SRCAP: variants seen among roughly 807,000 people sequenced by gnomAD.
The protein encoded by SRCAP is chromatin remodeling protein SRCAP.
SRCAP carries 46 observed loss-of-function variants against 263.1 expected under a neutral mutation model. That is an observed-to-expected ratio of 0.17 (90% CI 0.14 to 0.22). The LOEUF (loss-of-function observed/expected upper bound fraction) is 0.22, where lower values mean the gene tolerates loss of function less well. Among genes scored for constraint, SRCAP ranks in the 10% least tolerant of loss-of-function variants. SRCAP has a pLI of 1.00. For missense variants in SRCAP, 3,695 were observed against 4,181.9 expected (o/e 0.88, Z 3.21); for synonymous variants, 1,813 against 1,662.1 (o/e 1.09, Z -2.21).
rs199705678 is a variant in SRCAP, at chr16:30,738,143, A to G, written c.8103A>G (p.Pro2701=). The G allele has an allele frequency of 1.8e-4, 284 of 1,614,032 alleles. No homozygotes were observed. The highest frequency in any genetic ancestry group is 2.2e-4 in the Non-Finnish European group (265 of 1,180,036). Reference sequence around the variant, plus strand: ...TCGTTACAGCTGAGGTTGCAGCTCCATCCACCTCATCTTCAGCCACTTCCT... The same window carrying G: ...TCGTTACAGCTGAGGTTGCAGCTCCGTCCACCTCATCTTCAGCCACTTCCT... ...QELVTAEVAA[P]STSSSATSSP... The change falls in exon 34 of 34, where the codon CCA becomes CCG. Residue 2701 remains proline, a synonymous_variant. Transcript: ENST00000262518.
chr16:30,701,910 G>A (rs191054216), intron 3 of SRCAP, among the ~76,000 whole-genome samples: 75 of 151,080 alleles, frequency 5.0e-4, no homozygotes, highest in Non-Finnish European at 9.0e-4. Flanking sequence ...AGGATTACAG[G>A]TGTGAGCCCC....
rs370705768 is a variant in SRCAP, at chr16:30,709,611, G to A, written c.732G>A (p.Ser244=). The A allele has an allele frequency of 3.1e-6, 5 of 1,613,994 alleles. No individual in the cohort carries two copies. Among genetic ancestry groups the A allele is most frequent in the South Asian group, 1.1e-5 (1 of 91,084 alleles). ...TTGTGGGGCAAACTGAAAAGTACTC[G>A]GACCTTCTGTCTCAGAGCCTCAACC... The part of the protein sequence containing the change: ...DFIVGQTEKY[S]DLLSQSLNQP... Residue 244 remains serine, a synonymous_variant, in exon 7 of 34, where the codon TCG becomes TCA. Coordinates refer to ENST00000262518, the MANE Select transcript of SRCAP (RefSeq NM_006662.3).
At chr16:30,719,860 G>A (rs953459753) in intron 18 of SRCAP, among the ~76,000 whole-genome samples, 1 of 151,994 alleles carries the variant, frequency 6.6e-6, no homozygotes. Context: ...CTTAAATGGG[G>A]TATATTGCAT....
chr16:30,736,684 C>CT (rs904896452), intron 33 of SRCAP, 60 bp downstream of exon 33: 149 of 1,567,960 alleles, frequency 9.5e-5, no homozygotes, highest in Non-Finnish European at 1.1e-4. Flanking sequence ...TTTCTTTTCT[C>CT]TTTTTTTTGA....
rs913012152 is a variant in SRCAP at position 30,711,190 on chromosome 16, G to A, written c.1318+102G>A. 6.1e-5 allele frequency: 52 copies of A among 848,204 alleles called. No homozygotes were observed. The African/African-American group carries it at 8.2e-4, about 13-fold the overall frequency. 52.5% of individuals were successfully genotyped at this position (848,204 alleles called of 1,614,324 possible). On this transcript the variant is annotated intron_variant, in intron 10 of 33. Transcript: ENST00000262518. Reference sequence around the variant, plus strand: ...AAGGCACTTTGTATCCACCCTGGAGGAATTCCATGTCTAATGACTAAGACA... The same window carrying A: ...AAGGCACTTTGTATCCACCCTGGAGAAATTCCATGTCTAATGACTAAGACA...
At position 30,713,178 on chromosome 16, in the gene SRCAP, A is replaced by G. The variant is rs367655385; in HGVS notation, c.2131-30A>G. The G allele has an allele frequency of 5.6e-6, 9 of 1,608,674 alleles. No homozygotes were observed. The African/African-American group carries it at 8.0e-5, about 14-fold the overall frequency. ...TTTGCTCTCTTCTTTTCATCCCACT[A>G]TCTGCTACTTTCTGTCTTTGATCCC... On this transcript the variant is annotated intron_variant, in intron 14 of 33. Coordinates refer to ENST00000262518, the MANE Select transcript of SRCAP (RefSeq NM_006662.3).
chr16:30,739,605 C>T lies in SRCAP; in HGVS notation c.9565C>T (p.Arg3189Ter). The change falls in exon 34 of 34, where the codon CGA (arginine) becomes TGA (stop). Residue 3189 changes from arginine to a stop codon, truncating the protein, a stop_gained. Coordinates refer to ENST00000262518, the MANE Select transcript of SRCAP (RefSeq NM_006662.3). LOFTEE classifies it high-confidence loss of function. The stretch of plus-strand genomic sequence containing the variant: ...GGAGGAAGGGGATGGGACCCCACGC[C>T]GACGTCCTGGCCCCCGCCGGCTTGT... ...EEEEGDGTPR[R>*]RPGPRRLVGT... 2 of 1,594,658 alleles carry T rather than the reference C, an allele frequency of 1.3e-6. No homozygotes were observed. The highest frequency in any genetic ancestry group is 1.7e-6 in the Non-Finnish European group (2 of 1,171,508).
chr16:30,700,702 G>A lies in SRCAP; in HGVS notation c.-123G>A. On this transcript the variant is annotated 5_prime_UTR_variant, in exon 3 of 34. Transcript: ENST00000262518. ...GGAAGGCGGGTCCCGGTGGCCGGTG[G>A]CCCAGAATGAGGCCAGCTCCCAGCA... The A allele has an allele frequency of 2.1e-6, 2 of 941,386 alleles. No individual in the cohort carries two copies. Among genetic ancestry groups the A allele is most frequent in the East Asian group, 2.7e-5 (1 of 37,130 alleles). 58.3% of individuals were successfully genotyped at this position (941,386 alleles called of 1,614,324 possible).
chr16:30,722,470 C>A, intron 22 of SRCAP, 93 bp from the exon 23 acceptor site: 2 of 1,511,708 alleles, frequency 1.3e-6, no homozygotes, highest in Non-Finnish European at 9.1e-7. Context: ...GAATGTATTC[C>A]CTCTCTGTTC....
chr16:30,703,096 T>G (rs35969813), intron 3 of SRCAP, among the ~76,000 whole-genome samples: 2 of 151,490 alleles, frequency 1.3e-5, no homozygotes, highest in African/African-American at 4.9e-5. Context: ...GGGAGTTGTT[T>G]ATGTGCATGA....
In SRCAP at chr16:30,739,745, C is replaced by G. The variant is rs761359958; in HGVS notation, c.*12C>G. On this transcript the variant is annotated 3_prime_UTR_variant, in exon 34 of 34. Coordinates refer to ENST00000262518, the MANE Select transcript of SRCAP (RefSeq NM_006662.3). The stretch of plus-strand genomic sequence containing the variant: ...AGGCCAAGACGTGAGTGGGCTGCCC[C>G]TCCACCTAGGCTTTCCACCGTGGCC... 14 of 1,462,422 alleles carry G rather than the reference C, an allele frequency of 9.6e-6. No homozygotes were observed. The East Asian group carries it at 3.0e-4, about 31-fold the overall frequency. The allele number at this position is 1,462,422 out of a possible 1,614,324, so 90.6% of individuals were successfully genotyped here.
chr16:30,717,453 GT>G (rs1048761562), intron 18 of SRCAP, among the ~76,000 whole-genome samples: 5 of 146,098 alleles, frequency 3.4e-5, no homozygotes, highest in Admixed American at 6.9e-5. Flanking sequence ...GTTTTTGGTG[GT>G]TTTTTTTTTC....
Position 30,723,175 on chromosome 16 carries a change from A to C in SRCAP, c.4105A>C (p.Thr1369Pro). The C allele has an allele frequency of 6.2e-7, 1 of 1,613,286 alleles. No homozygotes were observed. The highest frequency in any genetic ancestry group is 8.5e-7 in the Non-Finnish European group (1 of 1,179,794). ...TGCTCGAGCCCCCATGCCCACACCC[A>C]CTCTGGTGAGGCCTCTTCTCAAGCT... ...GTARAPMPTP[T>P]LVRPLLKLVH... Residue 1369 changes from threonine (T) to proline (P), a missense_variant, in exon 24 of 34, where the codon ACT becomes CCT. Thr to Pro is a conservative substitution (Grantham distance 38, BLOSUM62 -1). Transcript: ENST00000262518.
Position 30,724,144 on chromosome 16 carries a change from G to C in SRCAP, c.4720G>C (p.Ala1574Pro). ...AGCTCCAGCTCAGGCTTCCCTTCTG[G>C]CTCCAGCATCTTCTGCATCTCAGGC... ...NPAPAQASLL[A>P]PASSASQALA... Residue 1574 changes from alanine (A) to proline (P), a missense_variant, in exon 25 of 34, where the codon GCT (alanine) becomes CCT (proline). Ala to Pro is a conservative substitution (Grantham distance 27). This residue lies in a region of SRCAP where 1,347 missense variants were observed against 1,304.4 expected (regional missense o/e 1.03). Coordinates refer to ENST00000262518, the MANE Select transcript of SRCAP (RefSeq NM_006662.3). The C allele has an allele frequency of 6.2e-7, 1 of 1,614,018 alleles. No homozygotes were observed. The highest frequency in any genetic ancestry group is 8.5e-7 in the Non-Finnish European group (1 of 1,180,014).
intron 4 of SRCAP, among the ~76,000 whole-genome samples, chr16:30,706,540 G>T (rs1252629462): frequency 6.6e-6 from 1 of 152,142 alleles, no homozygotes; most frequent in Non-Finnish European, 1.5e-5. Context: ...AAGACAATCA[G>T]TGTAGAAGCT....
rs758831693 is a variant in SRCAP, at chr16:30,723,065, G to A, written c.3995G>A (p.Arg1332Gln). Residue 1332 changes from arginine (R) to glutamine (Q), a missense_variant, in exon 24 of 34, where the codon CGG becomes CAG. Coordinates refer to ENST00000262518, the MANE Select transcript of SRCAP (RefSeq NM_006662.3). ...TPVPPLAPAP[R>Q]PPSSGLPAVL... ...GTTCCTCCATTGGCCCCAGCACCCC[G>A]GCCTCCGAGCTCTGGGCTTCCAGCT... The A allele has an allele frequency of 3.6e-5, 58 of 1,613,952 alleles. No individual in the cohort carries two copies. Among genetic ancestry groups the A allele is most frequent in the Non-Finnish European group, 4.7e-5 (56 of 1,179,986 alleles).
Position 30,738,891 on chromosome 16 carries a change from CCTGGG to C in SRCAP, c.8852_8856del (p.Pro2951HisfsTer76). 6.2e-7 allele frequency: 1 copy of C among 1,614,130 alleles called. No individual in the cohort carries two copies. The highest frequency in any genetic ancestry group is 8.5e-7 in the Non-Finnish European group (1 of 1,180,018). On this transcript the variant is annotated frameshift_variant, in exon 34 of 34. Coordinates refer to ENST00000262518, the MANE Select transcript of SRCAP (RefSeq NM_006662.3). Reference sequence around the variant, plus strand: ...CCCTAAAGCACGAGATTTGCCCATCCCTGGGACCATTTCCTCTGCAGGGGATGGCA... The same window carrying C: ...CCCTAAAGCACGAGATTTGCCCATCCACCATTTCCTCTGCAGGGGATGGCA...
rs745558501 is a variant in SRCAP, at chr16:30,738,331, T to TGCG, written c.8303_8305dup (p.Arg2768dup). 1.2e-5 allele frequency: 19 copies of TGCG among 1,580,604 alleles called. No homozygotes were observed. The highest frequency in any genetic ancestry group is 7.2e-5 in the Admixed American group (4 of 55,806). Reference sequence around the variant, plus strand: ...ACTGTGGTAGAGGAAAAGGAACTGGTGCGGCGGCGGCGGCAGCAGCGGGGA... The same window carrying TGCG: ...ACTGTGGTAGAGGAAAAGGAACTGGTGCGGCGGCGGCGGCGGCAGCAGCGGGGA... On this transcript the variant is annotated inframe_insertion, in exon 34 of 34. Transcript: ENST00000262518.
Position 30,729,463 on chromosome 16 carries a change from C to T in SRCAP, c.6018C>T (p.Phe2006=), listed in dbSNP as rs2053093220. Residue 2006 remains phenylalanine, a synonymous_variant, in exon 27 of 34, where the codon TTC becomes TTT. Transcript: ENST00000262518. Reference sequence around the variant, plus strand: ...GGCTGGCCCCACGTCAGGCAGCCTTCCAGGAGCAATTGGCCTCTGAGCTCT... The same window carrying T: ...GGCTGGCCCCACGTCAGGCAGCCTTTCAGGAGCAATTGGCCTCTGAGCTCT... ...PPWLAPRQAA[F]QEQLASELWP... is the part of the protein sequence containing the mutation. 1.2e-6 allele frequency: 2 copies of T among 1,614,208 alleles called. No individual in the cohort carries two copies. The highest frequency in any genetic ancestry group is 1.7e-6 in the Non-Finnish European group (2 of 1,180,036).
Sources: gnomAD v4.1 joint callset for allele counts (sites outside exome capture counted in the v4.1 genomes callset) on GRCh38, gnomAD v4.1.1 for gene constraint, gnomAD v4.1.1 regional missense constraint, MANE v1.5 for transcripts, NCBI Gene and HGNC (gene_info 2026-07-23, HGNC 2026-07-21) for gene names.